The following FBXW2 variants were observed in gnomAD, a reference collection of about 807,000 sequenced individuals.
The protein encoded by FBXW2 is F-box and WD repeat domain containing 2, also known as F-box/WD repeat-containing protein 2.
FBXW2 carries 12 observed loss-of-function variants against 46.0 expected under a neutral mutation model. The observed-to-expected ratio is 0.26, with a 90% confidence interval of 0.17 to 0.42. FBXW2 has a LOEUF of 0.42. Ranked by LOEUF, FBXW2 falls within the 10% of genes least tolerant of loss-of-function variation. The probability of loss-of-function intolerance (pLI) is 1.00; values close to 1 mark genes in which losing one functional copy is unlikely to be tolerated. For missense variants in FBXW2, 360 were observed against 537.0 expected (o/e 0.67, Z 3.26); for synonymous variants, 203 against 209.6 (o/e 0.97, Z 0.27).
In FBXW2 at chr9:120,757,270, C is replaced by T. The variant is rs2044142830; in HGVS notation, c.*7289G>A. 1 of 152,186 alleles carries T rather than the reference C, an allele frequency of 6.6e-6. No individual in the cohort carries two copies. The highest frequency in any genetic ancestry group is 1.5e-5 in the Non-Finnish European group (1 of 68,032). 9.4% of individuals were successfully genotyped at this position (152,186 alleles called of 1,614,324 possible). ...CATGTTTAGAAATGTTCTTTCTTGA[C>T]TCGGGCAGTGGTTAGACAAGTGTTC... On this transcript the variant is annotated 3_prime_UTR_variant, in exon 8 of 8. Transcript: ENST00000608872.
At chr9:120,778,033 G>T (rs1421170430) in intron 4 of FBXW2, among the ~76,000 whole-genome samples, 1 of 151,836 alleles carries the variant, frequency 6.6e-6, no homozygotes, top group African/African-American at 2.4e-5. Context: ...AAAGCCAAGG[G>T]ACTGTCTGTT....
In FBXW2 at chr9:120,786,115, G is replaced by C. The variant is rs544296584; in HGVS notation, c.490+1654C>G. 4.0e-5 allele frequency among the ~76,000 whole-genome samples: 6 copies of C among 151,368 alleles called. No homozygotes were observed. The South Asian group carries it at 1.3e-3, about 32-fold the overall frequency. On this transcript the variant is annotated intron_variant, in intron 3 of 7. Transcript: ENST00000608872. ...AGACTTCTATCCCAAATGAATTCAA[G>C]GGAAAAAGAGGTAATACAAAGACAC... is the stretch of plus-strand genomic sequence containing the variant.
In FBXW2 at chr9:120,764,432, GATTGTGCACTGCGTGATGATACC is replaced by G; in HGVS notation, c.*104_*126del. 1 of 1,073,190 alleles carries G rather than the reference GATTGTGCACTGCGTGATGATACC, an allele frequency of 9.3e-7. No homozygotes were observed. Among genetic ancestry groups the G allele is most frequent in the Non-Finnish European group, 1.4e-6 (1 of 736,992 alleles). 66.5% of individuals were successfully genotyped at this position (1,073,190 alleles called of 1,614,324 possible). A position where few individuals can be genotyped will look rare whatever the true frequency, so the allele number is the denominator to read the frequency against. On this transcript the variant is annotated 3_prime_UTR_variant, in exon 8 of 8. Transcript: ENST00000608872. ...GGCCCCTGGCAAAACATAGATAAAT[GATTGTGCACTGCGTGATGATACC>G]ATTAGGTGAGAACTTTGGTTCATGC...
chr9:120,778,322 G>A, intron 4 of FBXW2, 29 bp downstream of exon 4: 8 of 1,595,234 alleles, frequency 5.0e-6, no homozygotes, highest in Non-Finnish European at 6.8e-6. Flanking sequence ...AGGCTAAGTT[G>A]TAAAAACCCT....
intron 7 of FBXW2, among the ~76,000 whole-genome samples, chr9:120,767,769 G>A (rs2044301160): frequency 1.3e-5 from 2 of 152,106 alleles, no homozygotes; most frequent in Admixed American, 6.6e-5. Context: ...GCTAGGAAAC[G>A]TGGCAACCAT....
In FBXW2 at chr9:120,772,703, T is replaced by A. The variant is rs754850532; in HGVS notation, c.906+51A>T. On this transcript the variant is annotated intron_variant, in intron 6 of 7. Transcript: ENST00000608872. ...TTGCCATACCACTTTCATTTTCTTA[T>A]GTTTTCCAGTTTTTCTTTAATGAAG... 24 of 1,248,698 alleles carry A rather than the reference T, an allele frequency of 1.9e-5. 1 individual carries two copies. 77.4% of individuals were successfully genotyped at this position (1,248,698 alleles called of 1,614,324 possible).
intron 4 of FBXW2, 165 bp from the exon 5 acceptor site, chr9:120,776,391 T>G: frequency 1.4e-6 from 1 of 727,086 alleles, no homozygotes; most frequent in Non-Finnish European, 2.2e-6. Context: ...TATTTCAAAA[T>G]TCTTACTATT....
intron 3 of FBXW2, among the ~76,000 whole-genome samples, chr9:120,782,790 C>T (rs2044643910): frequency 6.6e-6 from 1 of 152,030 alleles, no homozygotes; most frequent in African/African-American, 2.4e-5. Flanking sequence ...TACAGTGAGC[C>T]AAGATCATGT....
intron 7 of FBXW2, among the ~76,000 whole-genome samples, chr9:120,770,112 C>G (rs973933111): frequency 4.6e-5 from 7 of 152,176 alleles, no homozygotes; most frequent in African/African-American, 1.7e-4. Flanking sequence ...TGCGGTGGCT[C>G]ACGCATGTAA....
At chr9:120,770,232 C>T (rs577618205) in intron 7 of FBXW2, among the ~76,000 whole-genome samples, 15 of 152,146 alleles carry the variant, frequency 9.9e-5, no homozygotes, top group African/African-American at 2.2e-4. Flanking sequence ...AAAAATTAGC[C>T]GGGCATGGTG....
Position 120,758,260 on chromosome 9 carries a change from G to A in FBXW2, c.*6299C>T, listed in dbSNP as rs1264342597. On this transcript the variant is annotated 3_prime_UTR_variant, in exon 8 of 8. Coordinates refer to ENST00000608872, the MANE Select transcript of FBXW2 (RefSeq NM_012164.4). ...GGGAGATCAATGGGATTAAAGCCTG[G>A]CCCTAGGACTGGTGGAAAGGAACAT... The A allele has an allele frequency of 2.0e-5, 3 of 152,202 alleles. No homozygotes were observed. The highest frequency in any genetic ancestry group is 2.0e-4 in the Admixed American group (3 of 15,272). The allele number at this position is 152,202 out of a possible 1,614,324, so 9.4% of individuals were successfully genotyped here.
intron 7 of FBXW2, among the ~76,000 whole-genome samples, chr9:120,770,104 C>T (rs2044347394): frequency 6.6e-6 from 1 of 152,094 alleles, no homozygotes; most frequent in South Asian, 2.1e-4. Flanking sequence ...AGGCCGGGTG[C>T]GGTGGCTCAC....
At chr9:120,771,877 G>A (rs1216513034) in intron 6 of FBXW2, among the ~76,000 whole-genome samples, 2 of 151,780 alleles carry the variant, frequency 1.3e-5, no homozygotes, top group Non-Finnish European at 2.9e-5. Context: ...TGGCCAACAT[G>A]GTGAAACCCT....
Position 120,772,918 on chromosome 9 carries a change from C to A in FBXW2, c.820-78G>T, listed in dbSNP as rs775766174. The A allele has an allele frequency of 3.9e-5, 39 of 993,294 alleles. No homozygotes were observed. In the Middle Eastern group the frequency reaches 1.3e-3, roughly 33 times the overall value. 61.5% of individuals were successfully genotyped at this position (993,294 alleles called of 1,614,324 possible). A position where few individuals can be genotyped will look rare whatever the true frequency, so the allele number is the denominator to read the frequency against. On this transcript the variant is annotated intron_variant, in intron 5 of 7. Transcript: ENST00000608872. ...TGATTTTATTCTTTAAATTAAAATA[C>A]AAAAATGAGCTTAACATATGCTAGA... is the stretch of plus-strand genomic sequence containing the variant.
At chr9:120,791,757 T>A (rs2044846358) in intron 2 of FBXW2, among the ~76,000 whole-genome samples, 1 of 152,186 alleles carries the variant, frequency 6.6e-6, no homozygotes. Context: ...GAAGAGCACC[T>A]GTTTATTGGA....
intron 3 of FBXW2, among the ~76,000 whole-genome samples, chr9:120,781,334 T>C (rs1344906235): frequency 1.3e-5 from 2 of 152,160 alleles, no homozygotes; most frequent in Admixed American, 1.3e-4. Flanking sequence ...AAGAACTATT[T>C]GGAATCATTC....
intron 2 of FBXW2, among the ~76,000 whole-genome samples, chr9:120,790,677 A>G (rs1242306723): frequency 6.6e-6 from 1 of 152,214 alleles, no homozygotes; most frequent in Admixed American, 6.5e-5. Context: ...AACGGCTACA[A>G]GGCAAATTTA....
rs936301854 is a variant in FBXW2, at chr9:120,793,170, C to G, written c.-42G>C. 6 of 570,704 alleles carry G rather than the reference C, an allele frequency of 1.1e-5. No homozygotes were observed. Among genetic ancestry groups the G allele is most frequent in the Non-Finnish European group, 1.9e-5 (6 of 323,938 alleles). 35.4% of individuals were successfully genotyped at this position (570,704 alleles called of 1,614,324 possible). A position where few individuals can be genotyped will look rare whatever the true frequency, so the allele number is the denominator to read the frequency against. ...TGACCTGAGCGAGCGCCCCGGGGCC[C>G]GGGACCTCGCGCCGGGTTCACAGCT... is the stretch of plus-strand genomic sequence containing the variant. On this transcript the variant is annotated 5_prime_UTR_variant, in exon 2 of 8. Coordinates refer to ENST00000608872, the MANE Select transcript of FBXW2 (RefSeq NM_012164.4).
chr9:120,782,433 C>G (rs912168948), intron 3 of FBXW2, among the ~76,000 whole-genome samples: 1 of 151,832 alleles, frequency 6.6e-6, no homozygotes. Flanking sequence ...CCACTGCACT[C>G]CAGCCTGGGC....
Sources: gnomAD v4.1 joint callset for allele counts (sites outside exome capture counted in the v4.1 genomes callset) on GRCh38, gnomAD v4.1.1 for gene constraint, MANE v1.5 for transcripts, NCBI Gene and HGNC (gene_info 2026-07-23, HGNC 2026-07-21) for gene names.